The following SERPINB1 variants were observed in gnomAD, a reference collection of about 807,000 sequenced individuals.
SERPINB1 encodes the protein leukocyte elastase inhibitor.
In SERPINB1, 23 loss-of-function variants were observed where a neutral mutation model predicts 25.9. That is an observed-to-expected ratio of 0.89 (90% CI 0.64 to 1.26). SERPINB1 has a LOEUF of 1.26. Ranked by LOEUF, SERPINB1 falls within the 50% of genes most tolerant of loss-of-function variation. The pLI, the probability that SERPINB1 is intolerant of heterozygous loss-of-function variation, is 0.00. For synonymous variants in SERPINB1, 178 were observed against 178.7 expected (o/e 1.00, Z 0.03); for missense variants, 399 against 463.6 (o/e 0.86, Z 1.28).
Position 2,833,642 on chromosome 6 carries a change from C to A in SERPINB1, c.1106G>T (p.Ser369Ile). The A allele has an allele frequency of 6.2e-7, 1 of 1,613,538 alleles. No homozygotes were observed. Among genetic ancestry groups the A allele is most frequent in the South Asian group, 1.1e-5 (1 of 91,024 alleles). The stretch of plus-strand genomic sequence containing the variant: ...AGAAAATCTCCCCAAGAATAGGATG[C>A]TACCTGAGGAATTATGCCGAATAAA... ...LFFIRHNSSGSILFLGRFSSP is the reference protein window; with the variant it reads ...LFFIRHNSSGIILFLGRFSSP Residue 369 changes from serine (S) to isoleucine (I), a missense_variant, in exon 7 of 7, where the codon AGC becomes ATC. Coordinates refer to ENST00000380739, the MANE Select transcript of SERPINB1 (RefSeq NM_030666.4).
chr6:2,837,718 G>A lies in SERPINB1; in HGVS notation c.424+164C>T, dbSNP rs555095555. Among the ~76,000 whole-genome samples, 1 of 152,210 alleles carries A rather than the reference G, an allele frequency of 6.6e-6. No individual in the cohort carries two copies. The highest frequency in any genetic ancestry group is 6.5e-5 in the Admixed American group (1 of 15,286). The stretch of plus-strand genomic sequence containing the variant: ...GAACATGTGAGAGCTGTCCAGCAAC[G>A]TGCAGTGCAGACTTCACGCACCGGC... On this transcript the variant is annotated intron_variant, in intron 4 of 6. Coordinates refer to ENST00000380739, the MANE Select transcript of SERPINB1 (RefSeq NM_030666.4). This position sits in a 1 kb window ranked among gnomAD's most constrained non-coding sequence, Gnocchi z 4.3.
In SERPINB1 at chr6:2,840,363, T is replaced by C. The variant is rs558598752; in HGVS notation, c.168+56A>G. The stretch of plus-strand genomic sequence containing the variant: ...AAAGGCACAACCTTTCCATGCAGAC[T>C]GTCCATTCGTAGGGAGATGGGAGGA... On this transcript the variant is annotated intron_variant, in intron 2 of 6. Transcript: ENST00000380739. 8 of 1,594,940 alleles carry C rather than the reference T, an allele frequency of 5.0e-6. No individual in the cohort carries two copies. In the Admixed American group the frequency reaches 5.1e-5, roughly 10 times the overall value.
intron 3 of SERPINB1, 114 bp downstream of exon 3, chr6:2,838,435 T>C: frequency 9.8e-7 from 1 of 1,017,258 alleles, no homozygotes; most frequent in Non-Finnish European, 1.3e-6. Context: ...TTGCCTTCTG[T>C]ATTGTTTTTC....
Position 2,833,057 on chromosome 6 carries a change from G to A in SERPINB1, c.*551C>T, listed in dbSNP as rs903191811. 2 of 152,300 alleles carry A rather than the reference G, an allele frequency of 1.3e-5. No individual in the cohort carries two copies. Among genetic ancestry groups the A allele is most frequent in the African/African-American group, 2.4e-5 (1 of 41,434 alleles). The allele number at this position is 152,300 out of a possible 1,614,324, so 9.4% of individuals were successfully genotyped here. On this transcript the variant is annotated 3_prime_UTR_variant, in exon 7 of 7. Transcript: ENST00000380739. The stretch of plus-strand genomic sequence containing the variant: ...TAACCATTGGCCCTTTAATTGAAGA[G>A]TCTAAAAACTAGAGGTCTGTAACAG...
At chr6:2,838,886 T>G (rs1184198343) in intron 2 of SERPINB1, among the ~76,000 whole-genome samples, 200 bp from the exon 3 acceptor site, 1 of 152,202 alleles carries the variant, frequency 6.6e-6, no homozygotes, top group Non-Finnish European at 1.5e-5. Flanking sequence ...AGACAGAATG[T>G]TTACAACTTT....
At chr6:2,839,637 C>T (rs1581167236) in intron 2 of SERPINB1, among the ~76,000 whole-genome samples, 1 of 152,124 alleles carries the variant, frequency 6.6e-6, no homozygotes, top group Non-Finnish European at 1.5e-5. Context: ...GTGTAATTTG[C>T]GGCAGGTATG....
rs376455617 is a variant in SERPINB1, at chr6:2,837,834, G to A, written c.424+48C>T. On this transcript the variant is annotated intron_variant, in intron 4 of 6. Transcript: ENST00000380739. This position sits in a 1 kb window ranked among gnomAD's most constrained non-coding sequence, Gnocchi z 4.3. The stretch of plus-strand genomic sequence containing the variant: ...GGTAGGGAAGGCGGACTGAGGAAAC[G>A]AATGACATGACCAGCGCATAATGAT... The A allele has an allele frequency of 1.5e-5, 21 of 1,380,708 alleles. No individual in the cohort carries two copies. The highest frequency in any genetic ancestry group is 1.8e-4 in the Middle Eastern group (1 of 5,636). The allele number at this position is 1,380,708 out of a possible 1,614,324, so 85.5% of individuals were successfully genotyped here.
Position 2,841,589 on chromosome 6 carries a change from G to A in SERPINB1, c.-9+223C>T. On this transcript the variant is annotated intron_variant, in intron 1 of 6. Transcript: ENST00000380739. This position sits in a 1 kb window ranked among gnomAD's most constrained non-coding sequence, Gnocchi z 4.5. Reference sequence around the variant, plus strand: ...CCTCCCTCCCTCGCGGGCTGGCCCGGCCTGTACCCAGGCGGGGGCGGGGGA... The same window carrying A: ...CCTCCCTCCCTCGCGGGCTGGCCCGACCTGTACCCAGGCGGGGGCGGGGGA... 1 of 152,612 alleles carries A rather than the reference G, an allele frequency of 6.6e-6. No individual in the cohort carries two copies. Among genetic ancestry groups the A allele is most frequent in the Non-Finnish European group, 1.5e-5 (1 of 68,314 alleles). The allele number at this position is 152,612 out of a possible 1,614,324, so 9.5% of individuals were successfully genotyped here. A position where few individuals can be genotyped will look rare whatever the true frequency, so the allele number is the denominator to read the frequency against.
In SERPINB1 at chr6:2,833,723, G is replaced by C. The variant is rs145153494; in HGVS notation, c.1025C>G (p.Thr342Ser). Residue 342 changes from threonine to serine, a missense_variant, in exon 7 of 7, where the codon ACT (threonine) becomes AGT (serine). Transcript: ENST00000380739. ...TTCTTCGGGCATCAACATGCAGAAA[G>C]TTGCGATGCCTGCTGTGGCAGCTGC... is the stretch of plus-strand genomic sequence containing the variant. ...EAAAATAGIA[T>S]FCMLMPEENF... 7.4e-6 allele frequency: 12 copies of C among 1,614,090 alleles called. No homozygotes were observed.
Position 2,840,550 on chromosome 6 carries a change from A to G in SERPINB1, c.37T>C (p.Leu13=), listed in dbSNP as rs772425010. ...TCACTCAACGCCAGGAACAGGTCCA[A>G]GGCGAAGCGGGTGTTTGCTGAGCTC... is the stretch of plus-strand genomic sequence containing the variant. ...QLSSANTRFA[L]DLFLALSENN... is the part of the protein sequence containing the mutation. Residue 13 remains leucine (L), a synonymous_variant, in exon 2 of 7, where the codon TTG becomes CTG. Transcript: ENST00000380739. The G allele has an allele frequency of 1.9e-6, 3 of 1,614,072 alleles. No individual in the cohort carries two copies. Among genetic ancestry groups the G allele is most frequent in the African/African-American group, 1.3e-5 (1 of 75,036 alleles).
At position 2,841,605 on chromosome 6, in the gene SERPINB1, G is replaced by C. The variant is rs1324096768; in HGVS notation, c.-9+207C>G. ...GCTGGCCCGGCCTGTACCCAGGCGG[G>C]GGCGGGGGATCAGAGGTCGTCTGTC... On this transcript the variant is annotated intron_variant, in intron 1 of 6. Coordinates refer to ENST00000380739, the MANE Select transcript of SERPINB1 (RefSeq NM_030666.4). The surrounding 1 kb of genome is among the most constrained non-coding windows in gnomAD (Gnocchi z 4.5). 6.6e-6 allele frequency: 1 copy of C among 152,250 alleles called. No homozygotes were observed. Among genetic ancestry groups the C allele is most frequent in the African/African-American group, 2.4e-5 (1 of 41,416 alleles). 9.4% of individuals were successfully genotyped at this position (152,250 alleles called of 1,614,324 possible). A position where few individuals can be genotyped will look rare whatever the true frequency, so the allele number is the denominator to read the frequency against.
At chr6:2,840,896 C>T (rs540288435) in intron 1 of SERPINB1, among the ~76,000 whole-genome samples, 41 of 152,136 alleles carry the variant, frequency 2.7e-4, no homozygotes, top group Non-Finnish European at 5.6e-4. Context: ...AGGCAGGCCC[C>T]AGCTACCCCA....
At position 2,833,925 on chromosome 6, in the gene SERPINB1, T is replaced by C; in HGVS notation, c.823A>G (p.Arg275Gly). ...GTGTAACTCTCTTCCAGTTTGAACC[T>C]GGGCAAGCTGACATTAACTTCAATG... is the stretch of plus-strand genomic sequence containing the variant. ...DFIEVNVSLP[R>G]FKLEESYTLN... The change falls in exon 7 of 7, where the codon AGG becomes GGG. Residue 275 changes from arginine (R) to glycine (G), a missense_variant. Arg to Gly is a moderately radical substitution (Grantham distance 125). Coordinates refer to ENST00000380739, the MANE Select transcript of SERPINB1 (RefSeq NM_030666.4). 5.6e-6 allele frequency: 9 copies of C among 1,614,156 alleles called. No individual in the cohort carries two copies. The highest frequency in any genetic ancestry group is 7.6e-6 in the Non-Finnish European group (9 of 1,180,026).
In SERPINB1 at chr6:2,836,007, A is replaced by C. The variant is rs1441755149; in HGVS notation, c.584T>G (p.Val195Gly). The C allele has an allele frequency of 4.3e-6, 7 of 1,614,002 alleles. No individual in the cohort carries two copies. Among genetic ancestry groups the C allele is most frequent in the Non-Finnish European group, 5.9e-6 (7 of 1,179,992 alleles). ...FRLNKKDRKT[V>G]KMMYQKKKFA... Reference sequence around the variant, plus strand: ...TTTTTTCTTCTGATACATCATTTTCACAGTTTTTCTGTCTTTCTGAACAGT... The same window carrying C: ...TTTTTTCTTCTGATACATCATTTTCCCAGTTTTTCTGTCTTTCTGAACAGT... Residue 195 changes from valine (V) to glycine (G), a missense_variant, in exon 6 of 7, where the codon GTG (valine) becomes GGG (glycine). By Grantham distance (109) the Val-to-Gly change is moderately radical. Coordinates refer to ENST00000380739, the MANE Select transcript of SERPINB1 (RefSeq NM_030666.4).
At chr6:2,840,349 C>G (rs1240144009) in intron 2 of SERPINB1, 70 bp downstream of exon 2, 6 of 1,574,714 alleles carry the variant, frequency 3.8e-6, no homozygotes, top group Non-Finnish European at 5.2e-6. Context: ...AAGGCACAAC[C>G]TTTCCATGCA....
Position 2,837,086 on chromosome 6 carries a change from A to C in SERPINB1, c.424+796T>G, listed in dbSNP as rs1766513162. On this transcript the variant is annotated intron_variant, in intron 4 of 6. Transcript: ENST00000380739. The surrounding 1 kb of genome is among the most constrained non-coding windows in gnomAD (Gnocchi z 4.3). ...CCACCTACCACAACTTTTTTACTGG[A>C]CAAGATGTTGGCAAAAAATTTACAA... 6.6e-6 allele frequency among the ~76,000 whole-genome samples: 1 copy of C among 152,182 alleles called. No homozygotes were observed. Among genetic ancestry groups the C allele is most frequent in the South Asian group, 2.1e-4 (1 of 4,814 alleles).
rs73719613 is a variant in SERPINB1, at chr6:2,839,521, A to T, written c.169-835T>A. 5.4e-3 allele frequency: 5,174 copies of T among 959,996 alleles called. 208 individuals carry two copies. In the African/African-American group the frequency reaches 0.083, roughly 15 times the overall value. 59.5% of individuals were successfully genotyped at this position (959,996 alleles called of 1,614,324 possible). ...GAGGTTTTTTTTTTTTAATGGATTT[A>T]AAAAAAACATTTAAAATGCTTTCAT... On this transcript the variant is annotated intron_variant, in intron 2 of 6. Transcript: ENST00000380739.
In SERPINB1 at chr6:2,837,845, C is replaced by A; in HGVS notation, c.424+37G>T. On this transcript the variant is annotated intron_variant, in intron 4 of 6. Transcript: ENST00000380739. This position sits in a 1 kb window ranked among gnomAD's most constrained non-coding sequence, Gnocchi z 4.3. The stretch of plus-strand genomic sequence containing the variant: ...CGGACTGAGGAAACGAATGACATGA[C>A]CAGCGCATAATGATTCCATTCTGCC... 1.4e-6 allele frequency: 2 copies of A among 1,447,678 alleles called. No homozygotes were observed. The highest frequency in any genetic ancestry group is 1.9e-6 in the Non-Finnish European group (2 of 1,029,126). 89.7% of individuals were successfully genotyped at this position (1,447,678 alleles called of 1,614,324 possible). A position where few individuals can be genotyped will look rare whatever the true frequency, so the allele number is the denominator to read the frequency against.
rs757233004 is a variant in SERPINB1, at chr6:2,840,514, C to A, written c.73G>T (p.Ala25Ser). 4.3e-6 allele frequency: 7 copies of A among 1,614,054 alleles called. No homozygotes were observed. The highest frequency in any genetic ancestry group is 5.9e-6 in the Non-Finnish European group (7 of 1,180,046). Reference protein sequence around the residue: ...LFLALSENNPAGNIFISPFSI... With the variant: ...LFLALSENNPSGNIFISPFSI... Reference sequence around the variant, plus strand: ...AAGGGAGAGATGAAGATGTTTCCAGCCGGATTGTTCTCACTCAACGCCAGG... The same window carrying A: ...AAGGGAGAGATGAAGATGTTTCCAGACGGATTGTTCTCACTCAACGCCAGG... Residue 25 changes from alanine to serine, a missense_variant, in exon 2 of 7, where the codon GCT (alanine) becomes TCT (serine). Physicochemically the swap from Ala to Ser is moderately conservative, Grantham distance 99. Coordinates refer to ENST00000380739, the MANE Select transcript of SERPINB1 (RefSeq NM_030666.4).
Sources: allele counts gnomAD v4.1 joint callset (sites outside exome capture counted in the v4.1 genomes callset), GRCh38; gene constraint gnomAD v4.1.1; non-coding constraint Gnocchi (gnomAD v3.1); transcripts MANE v1.5; gene names NCBI Gene and HGNC (gene_info 2026-07-23, HGNC 2026-07-21).